The following SLC4A1 variants were observed in gnomAD, a reference collection of about 807,000 sequenced individuals.
The protein encoded by SLC4A1 is solute carrier family 4 member 1 (Diego blood group), also known as band 3 anion transport protein.
SLC4A1 carries 29 observed loss-of-function variants against 93.1 expected under a neutral mutation model. The observed-to-expected ratio is 0.31, with a 90% CI of 0.23 to 0.42. The LOEUF (loss-of-function observed/expected upper bound fraction) is 0.42. Ranked by LOEUF, SLC4A1 falls within the 20% of genes least tolerant of loss-of-function variation. SLC4A1 has a pLI of 1.00. For missense variants in SLC4A1, 965 were observed against 1,190.1 expected, an observed-to-expected ratio of 0.81 and a Z score of 2.78; for synonymous variants, 469 against 497.2, an observed-to-expected ratio of 0.94 and a Z score of 0.76.
At position 44,257,767 on chromosome 17, in the gene SLC4A1, C is replaced by T. The variant is rs5017; in HGVS notation, c.1323G>A (p.Leu441=). ...GAATGCCCTGCACTGCAGTGGAGAT[C>T]AGCAGCTCCGACACTCCCATCTGGT... ...TRNQMGVSEL[L]ISTAVQGILF... Residue 441 remains leucine, a synonymous_variant, in exon 12 of 20, where the codon CTG becomes CTA. Coordinates refer to ENST00000262418, the MANE Select transcript of SLC4A1 (RefSeq NM_000342.4). 109,734 of 1,613,902 alleles carry T rather than the reference C, an allele frequency of 0.068. 4,352 individuals are homozygous for T. The highest frequency in any genetic ancestry group is 0.081 in the Non-Finnish European group (95,056 of 1,179,938).
Position 44,254,510 on chromosome 17 carries a change from C to T in SLC4A1, c.2043G>A (p.Glu681=). Residue 681 remains glutamate, a synonymous_variant, in exon 16 of 20, where the codon GAG becomes GAA. Coordinates refer to ENST00000262418, the MANE Select transcript of SLC4A1 (RefSeq NM_000342.4). ...ALLVFILIFL[E]SQITTLIVSK... ...CTGTCTCTCACGTGGTGATCTGAGA[C>T]TCCAGGAATATGAGGATGAAGACCA... 1 of 1,576,982 alleles carries T rather than the reference C, an allele frequency of 6.3e-7. No individual in the cohort carries two copies. The highest frequency in any genetic ancestry group is 8.7e-7 in the Non-Finnish European group (1 of 1,155,758).
Position 44,260,942 on chromosome 17 carries a change from G to A in SLC4A1, c.169-127C>T, listed in dbSNP as rs985114262. The A allele has an allele frequency of 1.5e-4, 157 of 1,032,398 alleles. 1 individual carries two copies. The highest frequency in any genetic ancestry group is 2.1e-4 in the Non-Finnish European group (142 of 682,596). The allele number at this position is 1,032,398 out of a possible 1,614,324, so 64.0% of individuals were successfully genotyped here. A position where few individuals can be genotyped will look rare whatever the true frequency, so the allele number is the denominator to read the frequency against. On this transcript the variant is annotated intron_variant, in intron 4 of 19. Transcript: ENST00000262418. ...CCTGTGCTCAAGGGTCCGTAGATACGGCTCACACCACTCCCTTATCTCCCA... is the reference window on the plus strand; with the variant it reads ...CCTGTGCTCAAGGGTCCGTAGATACAGCTCACACCACTCCCTTATCTCCCA...
In SLC4A1 at chr17:44,259,280, C is replaced by T; in HGVS notation, c.759G>A (p.Leu253=). 1 of 1,614,012 alleles carries T rather than the reference C, an allele frequency of 6.2e-7. No homozygotes were observed. Among genetic ancestry groups the T allele is most frequent in the Non-Finnish European group, 8.5e-7 (1 of 1,180,032 alleles). Residue 253 remains leucine, a synonymous_variant, in exon 9 of 20, where the codon CTG becomes CTA. Transcript: ENST00000262418. ...GFVRLQEAAE[L]EAVELPVPIR... Reference sequence around the variant, plus strand: ...TAGGCACCGGCAGCTCCACCGCCTCCAGCTCCGCTGCCTCCTGCAGCCTCA... The same window carrying T: ...TAGGCACCGGCAGCTCCACCGCCTCTAGCTCCGCTGCCTCCTGCAGCCTCA...
At position 44,255,971 on chromosome 17, in the gene SLC4A1, C is replaced by A; in HGVS notation, c.1627-125G>T. The A allele has an allele frequency of 5.7e-6, 5 of 884,664 alleles. No individual in the cohort carries two copies. In the South Asian group the frequency reaches 6.7e-5, roughly 12 times the overall value. 54.8% of individuals were successfully genotyped at this position (884,664 alleles called of 1,614,324 possible). A position where few individuals can be genotyped will look rare whatever the true frequency, so the allele number is the denominator to read the frequency against. On this transcript the variant is annotated intron_variant, in intron 13 of 19. Coordinates refer to ENST00000262418, the MANE Select transcript of SLC4A1 (RefSeq NM_000342.4). ...AGTCATCTATTAATTCATCATCCAT[C>A]CATTTATCCACCCATCCATCATTCA...
Position 44,259,880 on chromosome 17 carries a change from G to T in SLC4A1, c.538C>A (p.Arg180Ser), listed in dbSNP as rs749020872. Residue 180 changes from arginine (R) to serine (S), a missense_variant, in exon 7 of 20, where the codon CGC becomes AGC. Physicochemically the swap from Arg to Ser is moderately radical, Grantham distance 110. Coordinates refer to ENST00000262418, the MANE Select transcript of SLC4A1 (RefSeq NM_000342.4). ...LGGVKPAVLT[R>S]SGDPSQPLLP... ...AGAGGCTGTGAAGGATCCCCAGAGC[G>T]TGTCAGGACTGCAGGCTTCACACCC... is the stretch of plus-strand genomic sequence containing the variant. 1 of 1,614,050 alleles carries T rather than the reference G, an allele frequency of 6.2e-7. No homozygotes were observed. The highest frequency in any genetic ancestry group is 8.5e-7 in the Non-Finnish European group (1 of 1,180,000).
At chr17:44,256,862 TAGACACATATGTTGACAC>T (rs2047393477) in intron 13 of SLC4A1, among the ~76,000 whole-genome samples, 1 of 152,182 alleles carries the variant, frequency 6.6e-6, no homozygotes, top group Non-Finnish European at 1.5e-5. Context: ...TACACAGACA[TAGACACATATGTTGACAC>T]AGACACATAT....
chr17:44,257,605 C>T (rs2047400960), intron 12 of SLC4A1, 54 bp downstream of exon 12: 1 of 1,613,096 alleles, frequency 6.2e-7, no homozygotes, highest in African/African-American at 1.3e-5. Context: ...CACCATGCAT[C>T]AGGCAGGTGG....
In SLC4A1 at chr17:44,256,155, C is replaced by T. The variant is rs957744071; in HGVS notation, c.1627-309G>A. Among the ~76,000 whole-genome samples the T allele has an allele frequency of 2.0e-5, 3 of 152,108 alleles. No homozygotes were observed. In the South Asian group the frequency reaches 6.2e-4, roughly 32 times the overall value. ...ATTCATCAATCATCCATCCATCCAA[C>T]CATCCATCCATCCATCCATCCGTCC... On this transcript the variant is annotated intron_variant, in intron 13 of 19. Coordinates refer to ENST00000262418, the MANE Select transcript of SLC4A1 (RefSeq NM_000342.4).
chr17:44,258,390 C>G lies in SLC4A1; in HGVS notation c.1087+23G>C. ...TGGGGGTCGGTGGGGGCTCAGAAAG[C>G]CTCAGCTGGGAAGGGCAGGTACCTA... On this transcript the variant is annotated intron_variant, in intron 10 of 19. Coordinates refer to ENST00000262418, the MANE Select transcript of SLC4A1 (RefSeq NM_000342.4). The surrounding 1 kb of genome is among the most constrained non-coding windows in gnomAD (Gnocchi z 6.1). The G allele has an allele frequency of 6.2e-7, 1 of 1,611,822 alleles. No individual in the cohort carries two copies.
At chr17:44,263,723 TTC>T (rs2047471094) in intron 1 of SLC4A1, among the ~76,000 whole-genome samples, 1 of 148,012 alleles carries the variant, frequency 6.8e-6, no homozygotes. Context: ...CCTTCCTTCC[TTC>T]CTTCCTTCCT....
In SLC4A1 at chr17:44,259,584, G is replaced by A; in HGVS notation, c.610-3C>T. Reference sequence around the variant, plus strand: ...TGCCCTTCTGTGCCCCCATCTCCCTGTGGGAAGGAGGGTGGTGACGGGAGT... The same window carrying A: ...TGCCCTTCTGTGCCCCCATCTCCCTATGGGAAGGAGGGTGGTGACGGGAGT... On this transcript the variant is annotated splice_polypyrimidine_tract_variant and splice_region_variant and intron_variant, in intron 7 of 19. Transcript: ENST00000262418. 6.2e-7 allele frequency: 1 copy of A among 1,611,952 alleles called. No homozygotes were observed. The highest frequency in any genetic ancestry group is 8.5e-7 in the Non-Finnish European group (1 of 1,178,028).
chr17:44,254,346 C>T, intron 16 of SLC4A1, 150 bp downstream of exon 16: 1 of 721,818 alleles, frequency 1.4e-6, no homozygotes. Flanking sequence ...TGGAACTGCC[C>T]CTGGCTTTTC....
At position 44,259,144 on chromosome 17, in the gene SLC4A1, C is replaced by G. The variant is rs751720277; in HGVS notation, c.876+19G>C. The G allele has an allele frequency of 6.8e-6, 11 of 1,613,414 alleles. No individual in the cohort carries two copies. Among genetic ancestry groups the G allele is most frequent in the East Asian group, 2.2e-5 (1 of 44,884 alleles). ...GGTCCCAAGCTTCCCCAGCCCAGCC[C>G]TCTCCGGCCCTTCCTTACCCTCTCT... On this transcript the variant is annotated intron_variant, in intron 9 of 19. Coordinates refer to ENST00000262418, the MANE Select transcript of SLC4A1 (RefSeq NM_000342.4).
At chr17:44,263,308 G>A (rs1278252470) in intron 1 of SLC4A1, among the ~76,000 whole-genome samples, 1 of 152,108 alleles carries the variant, frequency 6.6e-6, no homozygotes, top group African/African-American at 2.4e-5. Flanking sequence ...CTCTTCTTCA[G>A]GGGGGCTTAG....
chr17:44,265,303 G>A (rs1348525658), intron 1 of SLC4A1, among the ~76,000 whole-genome samples: 2 of 152,104 alleles, frequency 1.3e-5, no homozygotes, highest in African/African-American at 4.8e-5. Flanking sequence ...AGAGCAGGAC[G>A]CGTTTGCAGC....
Position 44,260,509 on chromosome 17 carries a change from G to C in SLC4A1, c.380C>G (p.Ser127Cys). Residue 127 changes from serine to cysteine, a missense_variant, in exon 6 of 20, where the codon TCC (serine) becomes TGC (cysteine). Around this residue, in one of 2 missense-constraint regions of SLC4A1, gnomAD observed 195 missense variants for 183.5 expected, o/e 1.06. Coordinates refer to ENST00000262418, the MANE Select transcript of SLC4A1 (RefSeq NM_000342.4). The part of the protein sequence containing the change: ...GTVLLDLQET[S>C]LAGVANQLLD... Reference sequence around the variant, plus strand: ...CAGTTGGTTGGCCACTCCAGCCAGGGAGGTCTCTTGCAGGTCTAGGAGGAC... The same window carrying C: ...CAGTTGGTTGGCCACTCCAGCCAGGCAGGTCTCTTGCAGGTCTAGGAGGAC... The C allele has an allele frequency of 6.2e-7, 1 of 1,614,206 alleles. No individual in the cohort carries two copies. The highest frequency in any genetic ancestry group is 8.5e-7 in the Non-Finnish European group (1 of 1,180,018).
chr17:44,263,711 T>TTCCTTCCC (rs1555597782), intron 1 of SLC4A1, among the ~76,000 whole-genome samples: 8 of 8,612 alleles, frequency 9.3e-4, no homozygotes, highest in Non-Finnish European at 1.6e-3. Flanking sequence ...CCTTCCCTCC[T>TTCCTTCCC]TCCTTCCTTC....
At chr17:44,253,751 A>ATTGC (rs2047363839) in intron 16 of SLC4A1, among the ~76,000 whole-genome samples, 2 of 151,706 alleles carry the variant, frequency 1.3e-5, no homozygotes, top group South Asian at 4.2e-4. Context: ...GGCTCACTGC[A>ATTGC]ACCTCTGCCT....
Position 44,259,306 on chromosome 17 carries a change from C to G in SLC4A1, c.733G>C (p.Val245Leu), listed in dbSNP as rs148170067. The change falls in exon 9 of 20, where the codon GTG (valine) becomes CTG (leucine). Residue 245 changes from valine (V) to leucine (L), a missense_variant. By Grantham distance (32) the Val-to-Leu change is conservative. This residue lies in a region of SLC4A1 where 770 missense variants were observed against 1,006.6 expected (regional missense o/e 0.76). Coordinates refer to ENST00000262418, the MANE Select transcript of SLC4A1 (RefSeq NM_000342.4). ...AGCTCCGCTGCCTCCTGCAGCCTCA[C>G]GAAGCCCAGCACCGGCTGCTCCAGG... ...DFLEQPVLGF[V>L]RLQEAAELEA... The G allele has an allele frequency of 5.6e-6, 9 of 1,613,780 alleles. No homozygotes were observed. The highest frequency in any genetic ancestry group is 1.1e-5 in the South Asian group (1 of 91,070).
Sources: allele counts gnomAD v4.1 joint callset (sites outside exome capture counted in the v4.1 genomes callset), GRCh38; gene constraint gnomAD v4.1.1; regional missense constraint gnomAD v4.1.1; non-coding constraint Gnocchi (gnomAD v3.1); transcripts MANE v1.5; gene names NCBI Gene and HGNC (gene_info 2026-07-23, HGNC 2026-07-21).